The following ASCC3 variants were observed in gnomAD, a reference collection of about 807,000 sequenced individuals.
ASCC3 encodes activating signal cointegrator 1 complex subunit 3, also known as ASC-1 complex subunit P200.
Under a neutral mutation model 256.3 loss-of-function variants are expected in ASCC3, and 158 were observed. The observed-to-expected ratio is 0.62, with a 90% CI of 0.54 to 0.70. The LOEUF (loss-of-function observed/expected upper bound fraction) is 0.70, where lower values mean the gene tolerates loss of function less well. ASCC3 is among the 30% of genes least tolerant of loss of function. ASCC3 has a pLI of 0.00. For missense variants in ASCC3, 2,259 were observed against 2,626.0 expected (o/e 0.86, Z 3.05); for synonymous variants, 948 against 883.4 (o/e 1.07, Z -1.30).
intron 32 of ASCC3, among the ~76,000 whole-genome samples, chr6:100,606,517 A>G (rs910988164): frequency 5.9e-5 from 9 of 152,128 alleles, no homozygotes; most frequent in Admixed American, 5.9e-4. Context: ...ACTTTAAGCC[A>G]CTTATTATTT....
At chr6:100,525,919 C>A (rs1244722112) in intron 37 of ASCC3, among the ~76,000 whole-genome samples, 2 of 151,976 alleles carry the variant, frequency 1.3e-5, no homozygotes, top group Non-Finnish European at 2.9e-5. Context: ...TCAAGAGCTC[C>A]CAGAAGTTTT....
rs190477172 is a variant in ASCC3 at position 100,661,663 on chromosome 6, T to C, written c.2703+143A>G. On this transcript the variant is annotated intron_variant, in intron 16 of 41. Coordinates refer to ENST00000369162, the MANE Select transcript of ASCC3 (RefSeq NM_006828.4). Reference sequence around the variant, plus strand: ...TCTGAATTAATCAACAATAATGCCATTCACCCTGTTTTGTCTTATAACTTA... The same window carrying C: ...TCTGAATTAATCAACAATAATGCCACTCACCCTGTTTTGTCTTATAACTTA... The C allele has an allele frequency of 1.9e-5, 15 of 776,498 alleles. No homozygotes were observed. The African/African-American group carries it at 2.6e-4, about 13-fold the overall frequency. 48.1% of individuals were successfully genotyped at this position (776,498 alleles called of 1,614,324 possible).
chr6:100,612,857 C>T (rs1773476218), intron 30 of ASCC3, among the ~76,000 whole-genome samples: 1 of 151,700 alleles, frequency 6.6e-6, no homozygotes, highest in Non-Finnish European at 1.5e-5. Context: ...ACAAGCACAC[C>T]TCAAAATGAT....
intron 13 of ASCC3, among the ~76,000 whole-genome samples, chr6:100,686,147 T>C (rs959411573): frequency 2.6e-5 from 4 of 152,214 alleles, no homozygotes; most frequent in African/African-American, 9.6e-5. Flanking sequence ...CTTTTATGTA[T>C]ACTAAAAACA....
At chr6:100,797,279 G>C (rs971105748) in intron 8 of ASCC3, among the ~76,000 whole-genome samples, 2 of 151,740 alleles carry the variant, frequency 1.3e-5, no homozygotes, top group African/African-American at 4.8e-5. Context: ...GCAAAACCCT[G>C]TCTCTACCAA....
rs544905222 is a variant in ASCC3, at chr6:100,632,069, C to T, written c.4123-856G>A. ...ACTCACAAAATTAAGAACAAGAAAA[C>T]TCTAAATACTACATAAAAAAACTGT... On this transcript the variant is annotated intron_variant, in intron 25 of 41. Transcript: ENST00000369162. Among the ~76,000 whole-genome samples, 4 of 150,444 alleles carry T rather than the reference C, an allele frequency of 2.7e-5. No individual in the cohort carries two copies. The South Asian group carries it at 8.4e-4, about 31-fold the overall frequency.
At chr6:100,716,913 C>G (rs563750448) in intron 12 of ASCC3, among the ~76,000 whole-genome samples, 1 of 151,762 alleles carries the variant, frequency 6.6e-6, no homozygotes, top group African/African-American at 2.4e-5. Flanking sequence ...AATTATAAAG[C>G]TGAAAACATT....
intron 37 of ASCC3, among the ~76,000 whole-genome samples, chr6:100,533,826 A>T (rs1030716412): frequency 6.6e-6 from 1 of 152,208 alleles, no homozygotes; most frequent in Non-Finnish European, 1.5e-5. Flanking sequence ...ATTATTTTTT[A>T]ATTTGCAGAC....
intron 36 of ASCC3, among the ~76,000 whole-genome samples, chr6:100,576,823 A>G (rs1770891761): frequency 6.6e-6 from 1 of 151,926 alleles, no homozygotes; most frequent in Non-Finnish European, 1.5e-5. Flanking sequence ...AAGGATGACA[A>G]TATCTAAAAA....
chr6:100,520,933 T>C (rs1774271378), intron 37 of ASCC3, among the ~76,000 whole-genome samples: 1 of 152,184 alleles, frequency 6.6e-6, no homozygotes, highest in Non-Finnish European at 1.5e-5. Flanking sequence ...ATCATCCTTT[T>C]GTAATCCTCT....
Position 100,530,570 on chromosome 6 carries a change from C to T in ASCC3, c.5775+9593G>A, listed in dbSNP as rs181860730. ...GTGATGGCCTGGCACTCAATCCAGCCAGCATTAGTGTGTTGATTATTGCAT... is the reference window on the plus strand; with the variant it reads ...GTGATGGCCTGGCACTCAATCCAGCTAGCATTAGTGTGTTGATTATTGCAT... On this transcript the variant is annotated intron_variant, in intron 37 of 41. Transcript: ENST00000369162. The T allele has an allele frequency of 7.6e-6, 6 of 785,858 alleles. No individual in the cohort carries two copies. In the East Asian group the frequency reaches 1.2e-4, roughly 16 times the overall value. 48.7% of individuals were successfully genotyped at this position (785,858 alleles called of 1,614,324 possible).
intron 34 of ASCC3, among the ~76,000 whole-genome samples, chr6:100,595,896 T>G (rs919529234): frequency 6.6e-6 from 1 of 152,198 alleles, no homozygotes; most frequent in Non-Finnish European, 1.5e-5. Context: ...TTTTTATAAA[T>G]TTCTTTCCTA....
intron 4 of ASCC3, among the ~76,000 whole-genome samples, chr6:100,825,700 C>A (rs560670459): frequency 7.9e-5 from 12 of 152,226 alleles, no homozygotes; most frequent in African/African-American, 2.9e-4. Flanking sequence ...AGAGTGTTAT[C>A]CAACTTGGTT....
rs1775191922 is a variant in ASCC3 at position 100,642,749 on chromosome 6, C to T, written c.3733G>A (p.Val1245Ile). The stretch of plus-strand genomic sequence containing the variant: ...AGTAGTTGGGCTTCTTTACTAATGA[C>T]CTAATATGAAATACAGTCAAAAATA... ...SEYFLALKKQ[V>I]ISKEAQLLVF... The change falls in exon 24 of 42, where the codon GTC (valine) becomes ATC (isoleucine). Residue 1245 changes from valine (V) to isoleucine (I), a missense_variant and splice_region_variant. Val to Ile is a conservative substitution (Grantham distance 29). Coordinates refer to ENST00000369162, the MANE Select transcript of ASCC3 (RefSeq NM_006828.4). The T allele has an allele frequency of 6.2e-7, 1 of 1,611,378 alleles. No individual in the cohort carries two copies. The highest frequency in any genetic ancestry group is 1.3e-5 in the African/African-American group (1 of 74,782).
chr6:100,708,859 T>C (rs574701810), intron 13 of ASCC3, among the ~76,000 whole-genome samples: 16 of 152,316 alleles, frequency 1.1e-4, no homozygotes, highest in African/African-American at 3.8e-4. Context: ...TAGATTTTAC[T>C]AATTGAAAAT....
intron 11 of ASCC3, among the ~76,000 whole-genome samples, chr6:100,723,404 A>C (rs1779437741): frequency 6.6e-6 from 1 of 151,780 alleles, no homozygotes. Context: ...TAGAACAACA[A>C]GATTATTTTT....
chr6:100,546,712 A>ACAGTTC (rs1775734797), intron 36 of ASCC3, among the ~76,000 whole-genome samples: 2 of 152,192 alleles, frequency 1.3e-5, no homozygotes, highest in African/African-American at 4.8e-5. Context: ...AGTTATCATA[A>ACAGTTC]AGCTGAATTG....
intron 40 of ASCC3, among the ~76,000 whole-genome samples, chr6:100,512,207 A>G (rs574939749): frequency 1.3e-5 from 2 of 152,322 alleles, no homozygotes; most frequent in East Asian, 3.9e-4. Context: ...TTAATGTCTT[A>G]TTCAAATTCA....
At chr6:100,778,712 C>T (rs539930794) in intron 8 of ASCC3, among the ~76,000 whole-genome samples, 1 of 152,102 alleles carries the variant, frequency 6.6e-6, no homozygotes, top group South Asian at 2.1e-4. Context: ...ACGTGACATA[C>T]AACAATGCAG....
Sources: allele counts gnomAD v4.1 joint callset (sites outside exome capture counted in the v4.1 genomes callset), GRCh38; gene constraint gnomAD v4.1.1; transcripts MANE v1.5; gene names NCBI Gene and HGNC (gene_info 2026-07-23, HGNC 2026-07-21).